Variants in DPP3 observed in about 807,000 individuals in gnomAD.
The protein encoded by DPP3 is dipeptidyl peptidase 3.
Under a neutral mutation model 89.8 loss-of-function variants are expected in DPP3, and 64 were observed. That is an observed-to-expected ratio of 0.71 (90% CI 0.58 to 0.88). The LOEUF is 0.88. DPP3 is among the 40% of genes least tolerant of loss of function. The pLI is 0.00. For missense variants in DPP3, 835 were observed against 972.5 expected, an observed-to-expected ratio of 0.86 and a Z score of 1.88; for synonymous variants, 377 against 404.3, an observed-to-expected ratio of 0.93 and a Z score of 0.81.
chr11:66,505,278 A>G (rs1052662168), intron 17 of DPP3, among the ~76,000 whole-genome samples: 2 of 152,190 alleles, frequency 1.3e-5, no homozygotes, highest in East Asian at 3.8e-4. Context: ...TATCTTTCGT[A>G]TTCAGACCCC....
chr11:66,496,827 G>A (rs1057012361), intron 15 of DPP3, among the ~76,000 whole-genome samples: 4 of 152,322 alleles, frequency 2.6e-5, no homozygotes, highest in African/African-American at 9.6e-5. Context: ...TATTAGCTGT[G>A]TGCCCCTAAG....
chr11:66,501,165 C>T (rs939416068), intron 16 of DPP3, among the ~76,000 whole-genome samples: 3 of 150,030 alleles, frequency 2.0e-5, no homozygotes, highest in South Asian at 2.1e-4. Context: ...CCGGCCCAAG[C>T]GACAGAGTGA....
At chr11:66,491,466 G>C (rs888367581) in intron 7 of DPP3, 28 bp from the exon 8 acceptor site, 1 of 1,596,524 alleles carries the variant, frequency 6.3e-7, no homozygotes, top group Non-Finnish European at 8.6e-7. Context: ...TGGGTGGCCC[G>C]AGGCTGACCG....
At chr11:66,483,751 A>G (rs889216978) in intron 2 of DPP3, among the ~76,000 whole-genome samples, 1 of 152,186 alleles carries the variant, frequency 6.6e-6, no homozygotes, top group African/African-American at 2.4e-5. Flanking sequence ...TCACTGCATT[A>G]TATTCCCACC....
At position 66,486,696 on chromosome 11, in the gene DPP3, C is replaced by A; in HGVS notation, c.498+19C>A. The stretch of plus-strand genomic sequence containing the variant: ...GAAGGAGGTGAGGCCCCTGACTCCC[C>A]CGAGGGGACAGGGAGTGGAGGGAAT... On this transcript the variant is annotated intron_variant, in intron 4 of 17. Coordinates refer to ENST00000531863, the MANE Select transcript of DPP3 (RefSeq NM_130443.4). The A allele has an allele frequency of 6.7e-7, 1 of 1,489,048 alleles. No individual in the cohort carries two copies. The highest frequency in any genetic ancestry group is 9.0e-7 in the Non-Finnish European group (1 of 1,116,936). The allele number at this position is 1,489,048 out of a possible 1,614,324, so 92.2% of individuals were successfully genotyped here.
intron 17 of DPP3, 133 bp downstream of exon 17, chr11:66,504,907 C>T (rs1855764656): frequency 1.0e-6 from 1 of 986,128 alleles, no homozygotes. Context: ...CCCTTTCTGC[C>T]AAGGTCCTTC....
chr11:66,482,544 C>T (rs1189692), intron 2 of DPP3, 74 bp downstream of exon 2: 1 of 1,562,874 alleles, frequency 6.4e-7, no homozygotes, highest in African/African-American at 1.3e-5. Flanking sequence ...AAATGTCTGT[C>T]TCTTTCAAGG....
chr11:66,490,598 C>G (rs1266221467), intron 6 of DPP3, among the ~76,000 whole-genome samples: 1 of 152,016 alleles, frequency 6.6e-6, no homozygotes, highest in Non-Finnish European at 1.5e-5. Context: ...CACTTGCTAT[C>G]CACTTAAGCT....
chr11:66,491,453 G>T, intron 7 of DPP3, 41 bp from the exon 8 acceptor site: 1 of 1,596,332 alleles, frequency 6.3e-7, no homozygotes, highest in Non-Finnish European at 8.6e-7. Flanking sequence ...GTGTGGAGGT[G>T]GGTGGGTGGC....
chr11:66,491,504 C>A lies in DPP3; in HGVS notation c.809C>A (p.Ala270Asp). 1 of 1,608,642 alleles carries A rather than the reference C, an allele frequency of 6.2e-7. No homozygotes were observed. Among genetic ancestry groups the A allele is most frequent in the Non-Finnish European group, 8.5e-7 (1 of 1,176,822 alleles). Residue 270 changes from alanine to aspartate, a missense_variant, in exon 8 of 18, where the codon GCC becomes GAC. By Grantham distance (126) the Ala-to-Asp change is moderately radical. Transcript: ENST00000531863. ...CCCCGCTCACCTCAGGCCTATGCAG[C>A]CAACAGCCACCAGGGGCAGATGCTG... The part of the protein sequence containing the change: ...EQLEKAKAYA[A>D]NSHQGQMLAQ...
At chr11:66,497,531 T>TGG (rs1855571082) in intron 16 of DPP3, 54 bp downstream of exon 16, 9 of 1,566,632 alleles carry the variant, frequency 5.7e-6, no homozygotes, top group Non-Finnish European at 7.8e-6. Flanking sequence ...CCAGGGGCAC[T>TGG]GAGTGTTACC....
At position 66,493,600 on chromosome 11, in the gene DPP3, G is replaced by T. The variant is rs1855455595; in HGVS notation, c.1356G>T (p.Leu452=). 1.9e-6 allele frequency: 3 copies of T among 1,613,010 alleles called. No homozygotes were observed. The highest frequency in any genetic ancestry group is 1.3e-5 in the African/African-American group (1 of 75,042). ...SFDVQVGLHE[L]LGHGSGKLFV... ...ATGTGCAGGTGGGCCTGCACGAGCTGCTGGGCCATGGCAGTGGCAAGCTCT... is the reference window on the plus strand; with the variant it reads ...ATGTGCAGGTGGGCCTGCACGAGCTTCTGGGCCATGGCAGTGGCAAGCTCT... Residue 452 remains leucine, a synonymous_variant, in exon 12 of 18, where the codon CTG becomes CTT. Coordinates refer to ENST00000531863, the MANE Select transcript of DPP3 (RefSeq NM_130443.4).
Position 66,493,558 on chromosome 11 carries a change from G to A in DPP3, c.1314G>A (p.Trp438Ter), listed in dbSNP as rs1352789664. Reference sequence around the variant, plus strand: ...CTTGGCAGGACCTGTACATCCTCTGGAAGGGGCCCTCCTTCGATGTGCAGG... The same window carrying A: ...CTTGGCAGGACCTGTACATCCTCTGAAAGGGGCCCTCCTTCGATGTGCAGG... ...EEDDKDLYIL[W>*]KGPSFDVQVG... Residue 438 changes from tryptophan (W) to a stop codon, truncating the protein, a stop_gained, in exon 12 of 18, where the codon TGG becomes TGA. Coordinates refer to ENST00000531863, the MANE Select transcript of DPP3 (RefSeq NM_130443.4). LOFTEE classifies it high-confidence loss of function. 1 of 1,613,268 alleles carries A rather than the reference G, an allele frequency of 6.2e-7. No homozygotes were observed. The highest frequency in any genetic ancestry group is 2.2e-5 in the East Asian group (1 of 44,882).
At position 66,506,834 on chromosome 11, in the gene DPP3, G is replaced by C. The variant is rs192041393; in HGVS notation, c.2041+2060G>C. 4.7e-3 allele frequency among the ~76,000 whole-genome samples: 718 copies of C among 152,088 alleles called. 4 individuals are homozygous for C. The highest frequency in any genetic ancestry group is 0.016 in the African/African-American group (671 of 41,502). On this transcript the variant is annotated intron_variant, in intron 17 of 17. Transcript: ENST00000531863. Reference sequence around the variant, plus strand: ...CCTTGTAAAACGGCACCCTGTGAGAGAGGTTGTCTCTGACCCCTCCACCTA... The same window carrying C: ...CCTTGTAAAACGGCACCCTGTGAGACAGGTTGTCTCTGACCCCTCCACCTA...
chr11:66,487,450 G>C, intron 5 of DPP3, 108 bp downstream of exon 5: 1 of 1,184,668 alleles, frequency 8.4e-7, no homozygotes, highest in Non-Finnish European at 1.2e-6. Context: ...TACTCCCTGT[G>C]TACTAGGGAA....
At chr11:66,488,942 C>T (rs773209758) in intron 6 of DPP3, among the ~76,000 whole-genome samples, 8 of 152,234 alleles carry the variant, frequency 5.3e-5, no homozygotes, top group Admixed American at 2.6e-4. Flanking sequence ...CTTGGTTCAC[C>T]GCAACCTCTG....
intron 9 of DPP3, among the ~76,000 whole-genome samples, chr11:66,492,059 C>A (rs867361430): frequency 6.6e-6 from 1 of 152,218 alleles, no homozygotes; most frequent in African/African-American, 2.4e-5. Flanking sequence ...TGCTGTGCTG[C>A]CTCTGGTGTC....
Position 66,509,086 on chromosome 11 carries a change from C to A in DPP3, c.2049C>A (p.Asp683Glu). ...VQPNTRLEGSDVQLLEYEASA... is the reference protein window; with the variant it reads ...VQPNTRLEGSEVQLLEYEASA... ...TCTCCATCTCCTCCCCAGGCTCAGA[C>A]GTGCAGCTTCTGGAATACGAGGCGT... Residue 683 changes from aspartate (D) to glutamate (E), a missense_variant, in exon 18 of 18, where the codon GAC becomes GAA. Physicochemically the swap from Asp to Glu is conservative, Grantham distance 45. Coordinates refer to ENST00000531863, the MANE Select transcript of DPP3 (RefSeq NM_130443.4). The A allele has an allele frequency of 6.2e-7, 1 of 1,613,986 alleles. No homozygotes were observed. Among genetic ancestry groups the A allele is most frequent in the Non-Finnish European group, 8.5e-7 (1 of 1,179,952 alleles).
chr11:66,487,247 G>A (rs1190243445), intron 4 of DPP3, 21 bp from the exon 5 acceptor site: 2 of 1,612,756 alleles, frequency 1.2e-6, no homozygotes, highest in Admixed American at 1.7e-5. Flanking sequence ...TCTTTCTCAT[G>A]TCCCCTGTCT....
Sources: allele counts gnomAD v4.1 joint callset (sites outside exome capture counted in the v4.1 genomes callset), GRCh38; gene constraint gnomAD v4.1.1; transcripts MANE v1.5; gene names NCBI Gene and HGNC (gene_info 2026-07-23, HGNC 2026-07-21).